The following OLFML2B variants were observed in gnomAD, a reference collection of about 807,000 sequenced individuals.
The protein encoded by OLFML2B is olfactomedin like 2B.
In OLFML2B, 57 loss-of-function variants were observed where a neutral mutation model predicts 74.9. The ratio of observed to expected loss-of-function variants is 0.76; its 90% CI spans 0.61 to 0.95. The LOEUF is 0.95. OLFML2B is among the 40% of genes least tolerant of loss of function. The pLI is 0.00. For synonymous variants in OLFML2B, 388 were observed against 405.8 expected (o/e 0.96, Z 0.53); for missense variants, 986 against 970.6 (o/e 1.02, Z -0.21).
At chr1:162,022,242 TTC>T (rs1409141578) in intron 1 of OLFML2B, among the ~76,000 whole-genome samples, 11 of 110,996 alleles carry the variant, frequency 9.9e-5, no homozygotes, top group Admixed American at 2.6e-4. Context: ...CATGTATCTC[TTC>T]TTTTTTTTTT....
rs754071752 is a variant in OLFML2B at position 162,020,173 on chromosome 1, C to T, written c.184G>A (p.Asp62Asn). 5.0e-6 allele frequency: 8 copies of T among 1,613,954 alleles called. No homozygotes were observed. The highest frequency in any genetic ancestry group is 2.2e-5 in the South Asian group (2 of 91,084). The change falls in exon 2 of 8, where the codon GAC becomes AAC. Residue 62 changes from aspartate to asparagine, a missense_variant. Transcript: ENST00000294794. The part of the protein sequence containing the change: ...QENVLSQLLG[D>N]YDKVKAMSEG... ...GACATAGCCTTGACCTTGTCATAGT[C>T]CCCCAGCAACTAGACACACAGAAAA...
At chr1:161,984,758 C>A in intron 7 of OLFML2B, 46 bp downstream of exon 7, 2 of 1,580,868 alleles carry the variant, frequency 1.3e-6, no homozygotes, top group East Asian at 2.2e-5. Flanking sequence ...AAACAGAGGA[C>A]GTGGGGAAGG....
chr1:161,998,986 T>C (rs1210033731), intron 5 of OLFML2B, among the ~76,000 whole-genome samples: 1 of 151,784 alleles, frequency 6.6e-6, no homozygotes, highest in Non-Finnish European at 1.5e-5. Context: ...GAAAAGGCCC[T>C]GAGGCAGGAC....
intron 4 of OLFML2B, among the ~76,000 whole-genome samples, chr1:162,004,628 G>A (rs2101966184): frequency 6.6e-6 from 1 of 152,190 alleles, no homozygotes; most frequent in African/African-American, 2.4e-5. Flanking sequence ...TGCCTGCCTG[G>A]CACCCTTTGA....
At chr1:161,994,361 G>A (rs1689826894) in intron 6 of OLFML2B, among the ~76,000 whole-genome samples, 1 of 152,254 alleles carries the variant, frequency 6.6e-6, no homozygotes, top group Non-Finnish European at 1.5e-5. Context: ...GCCTCGGGGT[G>A]GTTACAGTCA....
chr1:161,994,368 G>A (rs1571288931), intron 6 of OLFML2B, among the ~76,000 whole-genome samples: 1 of 152,276 alleles, frequency 6.6e-6, no homozygotes, highest in Non-Finnish European at 1.5e-5. Flanking sequence ...GGTGGTTACA[G>A]TCATCTGCTT....
intron 6 of OLFML2B, among the ~76,000 whole-genome samples, chr1:161,992,341 A>C (rs1689765105): frequency 6.6e-6 from 1 of 152,316 alleles, no homozygotes; most frequent in Admixed American, 6.5e-5. Context: ...TCGTGGTTGG[A>C]CTGTCTTTTT....
At chr1:162,001,533 T>C (rs560720179) in intron 4 of OLFML2B, among the ~76,000 whole-genome samples, 3 of 152,226 alleles carry the variant, frequency 2.0e-5, no homozygotes, top group Non-Finnish European at 4.4e-5. Context: ...TTGGAGCTGA[T>C]CATGCCAGCC....
Position 162,022,244 on chromosome 1 carries a change from C to T in OLFML2B, c.174+1013G>A, listed in dbSNP as rs189061747. ...CCCTGGCTCTACCCATGTATCTCTT[C>T]TTTTTTTTTTTTTTTTTTTTTTTTG... On this transcript the variant is annotated intron_variant, in intron 1 of 7. Transcript: ENST00000294794. Among the ~76,000 whole-genome samples, 470 of 70,776 alleles carry T rather than the reference C, an allele frequency of 6.6e-3. 5 individuals carry two copies. The highest frequency in any genetic ancestry group is 8.4e-3 in the African/African-American group (144 of 17,076). The allele number at this position is 70,776 out of a possible 152,430, so 46.4% of individuals were successfully genotyped here. A position where few individuals can be genotyped will look rare whatever the true frequency, so the allele number is the denominator to read the frequency against.
intron 3 of OLFML2B, among the ~76,000 whole-genome samples, chr1:162,009,732 G>C (rs1374358526): frequency 6.6e-6 from 1 of 152,150 alleles, no homozygotes; most frequent in Admixed American, 6.5e-5. Context: ...TGTCCCCCAG[G>C]GCAGCAGCCA....
At chr1:162,019,636 C>T (rs1007739687) in intron 2 of OLFML2B, among the ~76,000 whole-genome samples, 10 of 152,112 alleles carry the variant, frequency 6.6e-5, no homozygotes, top group Admixed American at 2.0e-4. Flanking sequence ...TCTTGAAGAA[C>T]GCTGAGTTCT....
rs1690125168 is a variant in OLFML2B, at chr1:162,003,105, A to G, written c.724-2767T>C. 3.9e-5 allele frequency among the ~76,000 whole-genome samples: 6 copies of G among 152,134 alleles called. 1 individual carries two copies. The highest frequency in any genetic ancestry group is 3.9e-4 in the Admixed American group (6 of 15,278). ...TCAGCCCCAGGCTGCCTGCCCTCAG[A>G]GCCTGCCTCTTCCTTCCATTAAGCC... On this transcript the variant is annotated intron_variant, in intron 4 of 7. Coordinates refer to ENST00000294794, the MANE Select transcript of OLFML2B (RefSeq NM_015441.3).
intron 6 of OLFML2B, among the ~76,000 whole-genome samples, chr1:161,997,152 G>A (rs1689934082): frequency 6.6e-6 from 1 of 151,986 alleles, no homozygotes; most frequent in African/African-American, 2.4e-5. Context: ...GCGAGACTCT[G>A]TCTCAAAAAA....
chr1:162,007,158 C>T (rs1690258416), intron 3 of OLFML2B, among the ~76,000 whole-genome samples: 1 of 152,248 alleles, frequency 6.6e-6, no homozygotes, highest in Admixed American at 6.5e-5. Flanking sequence ...ATTCAACCAA[C>T]ACTGGTGAGT....
chr1:162,017,924 T>C (rs532533810), intron 2 of OLFML2B, among the ~76,000 whole-genome samples: 6 of 152,288 alleles, frequency 3.9e-5, no homozygotes, highest in Non-Finnish European at 7.4e-5. Context: ...AAATGCAGTA[T>C]GTATATACCA....
At chr1:162,015,282 T>C (rs1257162357) in intron 3 of OLFML2B, among the ~76,000 whole-genome samples, 2 of 152,140 alleles carry the variant, frequency 1.3e-5, no homozygotes, top group Admixed American at 6.5e-5. Flanking sequence ...GGCACTGGTA[T>C]TGCATCAAAT....
At chr1:161,996,197 C>T (rs1204374363) in intron 6 of OLFML2B, among the ~76,000 whole-genome samples, 3 of 152,146 alleles carry the variant, frequency 2.0e-5, no homozygotes, top group East Asian at 1.9e-4. Context: ...TTTCACCCAA[C>T]AAGAATCTTT....
At chr1:162,021,062 G>A (rs1039332428) in intron 1 of OLFML2B, among the ~76,000 whole-genome samples, 15 of 152,208 alleles carry the variant, frequency 9.9e-5, no homozygotes, top group African/African-American at 2.7e-4. Flanking sequence ...AAGTGCCCCC[G>A]AAGAGGCAGA....
rs143079784 is a variant in OLFML2B, at chr1:161,998,144, G to A, written c.1155C>T (p.Ile385=). Residue 385 remains isoleucine (I), a synonymous_variant, in exon 6 of 8, where the codon ATC becomes ATT. Transcript: ENST00000294794. ...LPQPSTSDPS[I]ANHASVGPTL... Reference sequence around the variant, plus strand: ...TTGGTCCCACTGAGGCATGGTTGGCGATGCTGGGATCTGAGGTCGAGGGCT... The same window carrying A: ...TTGGTCCCACTGAGGCATGGTTGGCAATGCTGGGATCTGAGGTCGAGGGCT... 2.8e-5 allele frequency: 45 copies of A among 1,614,108 alleles called. No individual in the cohort carries two copies. The African/African-American group carries it at 4.4e-4, about 16-fold the overall frequency.
Sources: allele counts gnomAD v4.1 joint callset (sites outside exome capture counted in the v4.1 genomes callset), GRCh38; gene constraint gnomAD v4.1.1; transcripts MANE v1.5; gene names NCBI Gene and HGNC (gene_info 2026-07-23, HGNC 2026-07-21).